CRB1: variants seen among roughly 807,000 people sequenced by gnomAD.
CRB1 encodes the protein protein crumbs homolog 1.
CRB1 carries 83 observed loss-of-function variants against 120.0 expected under a neutral mutation model. That is an observed-to-expected ratio of 0.69 (90% CI 0.58 to 0.83). CRB1 has a LOEUF of 0.83. CRB1 is among the 40% of genes least tolerant of loss of function. CRB1 has a pLI of 0.00. For missense variants in CRB1, 1,699 were observed against 1,687.6 expected (o/e 1.01, Z -0.12); for synonymous variants, 625 against 612.5 (o/e 1.02, Z -0.30).
At chr1:197,298,797 AT>A (rs1466693926) in intron 1 of CRB1, among the ~76,000 whole-genome samples, 1 of 152,042 alleles carries the variant, frequency 6.6e-6, no homozygotes, top group Non-Finnish European at 1.5e-5. Context: ...TGGCATTAAA[AT>A]TTTTTTGCCC....
At chr1:197,286,126 A>G (rs1422857162) in intron 1 of CRB1, among the ~76,000 whole-genome samples, 1 of 151,850 alleles carries the variant, frequency 6.6e-6, no homozygotes, top group Non-Finnish European at 1.5e-5. Flanking sequence ...TTGGTGCTCC[A>G]GGACTGGGCA....
At chr1:197,242,589 T>C in the CRB1 span, among the ~76,000 whole-genome samples, 2,156 of 152,288 alleles carry the variant, frequency 0.014, 32 homozygotes, top group Non-Finnish European at 0.023. Flanking sequence ...CAGTATTTTA[T>C]TGAGGATTTT....
At chr1:197,310,474 G>C (rs535054443) in intron 1 of CRB1, among the ~76,000 whole-genome samples, 2 of 152,262 alleles carry the variant, frequency 1.3e-5, no homozygotes. Context: ...ATAGGGAAAA[G>C]GAACGTCAAG....
At chr1:197,426,847 T>C (rs1382207990) in intron 6 of CRB1, among the ~76,000 whole-genome samples, 1 of 152,168 alleles carries the variant, frequency 6.6e-6, no homozygotes, top group East Asian at 1.9e-4. Flanking sequence ...ATTTATGTTA[T>C]TTACAGACTA....
At chr1:197,250,875 C>G in the CRB1 span, among the ~76,000 whole-genome samples, 1 of 151,948 alleles carries the variant, frequency 6.6e-6, no homozygotes. Flanking sequence ...TCCCTTGTGT[C>G]TCCTGGAAGA....
chr1:197,363,729 C>T (rs1047826423), intron 5 of CRB1: 47 of 513,728 alleles, frequency 9.1e-5, no homozygotes, highest in African/African-American at 8.5e-4. Flanking sequence ...TGTTGGCATC[C>T]TGTGGTGCCT....
chr1:197,377,982 T>C (rs1322075451), intron 5 of CRB1, among the ~76,000 whole-genome samples: 2 of 152,212 alleles, frequency 1.3e-5, no homozygotes, highest in Non-Finnish European at 2.9e-5. Flanking sequence ...TCTTAGTTAA[T>C]TGGCTTATGG....
intron 2 of CRB1, among the ~76,000 whole-genome samples, chr1:197,331,898 G>A (rs1374527920): frequency 2.0e-5 from 3 of 152,162 alleles, no homozygotes; most frequent in Admixed American, 2.0e-4. Flanking sequence ...AGGGTGGCCA[G>A]GTGTGGTGGC....
chr1:197,397,621 T>C (rs1326647927), intron 5 of CRB1, among the ~76,000 whole-genome samples: 1 of 152,164 alleles, frequency 6.6e-6, no homozygotes, highest in East Asian at 1.9e-4. Context: ...TGAATGCTAC[T>C]CAGCAATAAA....
intron 11 of CRB1, chr1:197,443,704 T>C (rs1558145450): frequency 6.6e-6 from 1 of 151,906 alleles, no homozygotes; most frequent in African/African-American, 2.4e-5. Context: ...TTTTTTAAAA[T>C]AAATGTATAC....
chr1:197,203,435 T>C, the CRB1 span, among the ~76,000 whole-genome samples: 2 of 152,148 alleles, frequency 1.3e-5, no homozygotes, highest in African/African-American at 4.8e-5. Context: ...TTCTCCTGCC[T>C]CAGCCTCAGC....
intron 1 of CRB1, among the ~76,000 whole-genome samples, chr1:197,310,416 T>C (rs1352564592): frequency 6.6e-6 from 1 of 152,164 alleles, no homozygotes; most frequent in African/African-American, 2.4e-5. Flanking sequence ...CTCAGCATTA[T>C]CTCTTGTCAG....
chr1:197,456,636 T>G (rs1666298869), intron 11 of CRB1, among the ~76,000 whole-genome samples: 1 of 152,120 alleles, frequency 6.6e-6, no homozygotes, highest in South Asian at 2.1e-4. Context: ...AACCCCATTA[T>G]TCATCTTGAA....
chr1:197,247,408 C>CT, the CRB1 span, among the ~76,000 whole-genome samples: 3 of 152,056 alleles, frequency 2.0e-5, no homozygotes, highest in African/African-American at 7.2e-5. Context: ...AAGTTGAACA[C>CT]TAAATTTGAA....
intron 5 of CRB1, among the ~76,000 whole-genome samples, chr1:197,404,809 GTAAC>G (rs1558111882): frequency 6.6e-6 from 1 of 152,138 alleles, no homozygotes; most frequent in Non-Finnish European, 1.5e-5. Flanking sequence ...AGATATAACT[GTAAC>G]TAATTTGTAT....
upstream of CRB1, among the ~76,000 whole-genome samples, chr1:197,266,505 A>G (rs1355681183): frequency 6.6e-6 from 1 of 152,186 alleles, no homozygotes; most frequent in African/African-American, 2.4e-5. Flanking sequence ...GAAAACATTC[A>G]GACCGCAGCA....
chr1:197,325,013 A>C (rs1658413938), intron 1 of CRB1, among the ~76,000 whole-genome samples: 1 of 152,238 alleles, frequency 6.6e-6, no homozygotes, highest in Non-Finnish European at 1.5e-5. Context: ...TAAGTGATTT[A>C]ACCAATCATT....
intron 1 of CRB1, among the ~76,000 whole-genome samples, chr1:197,305,260 A>G (rs1459513730): frequency 6.6e-6 from 1 of 152,078 alleles, no homozygotes; most frequent in African/African-American, 2.4e-5. Context: ...TCTATTTGTA[A>G]TGTAATTTTA....
At chr1:197,445,059 A>C (rs1665636600) in intron 11 of CRB1, among the ~76,000 whole-genome samples, 1 of 152,170 alleles carries the variant, frequency 6.6e-6, no homozygotes, top group African/African-American at 2.4e-5. Context: ...TCTAGTTGGC[A>C]TTCTAAAGTT....
Sources: allele counts gnomAD v4.1 joint callset (sites outside exome capture counted in the v4.1 genomes callset), GRCh38; gene constraint gnomAD v4.1.1; transcripts MANE v1.5; gene names NCBI Gene and HGNC (gene_info 2026-07-23, HGNC 2026-07-21).